Variants in ACYP2 observed in about 807,000 individuals in gnomAD.
The protein encoded by ACYP2 is acylphosphatase-2.
Under a neutral mutation model 11.2 loss-of-function variants are expected in ACYP2, and 12 were observed. That is an observed-to-expected ratio of 1.08 (90% CI 0.69 to 1.74). The LOEUF is 1.74. ACYP2 is among the 40% of genes most tolerant of loss of function. The pLI is 0.00. For missense variants in ACYP2, 134 were observed against 101.9 expected (o/e 1.31, Z -1.35); for synonymous variants, 43 against 32.2 (o/e 1.33, Z -1.13).
intron 2 of ACYP2, among the ~76,000 whole-genome samples, chr2:54,035,912 G>C (rs976422380): frequency 3.9e-5 from 6 of 152,114 alleles, no homozygotes; most frequent in Admixed American, 3.9e-4. Context: ...GAAGGAGACA[G>C]GCTGAGTCTT....
At chr2:54,240,363 T>C (rs11892194) in intron 6 of ACYP2, among the ~76,000 whole-genome samples, 2 of 152,180 alleles carry the variant, frequency 1.3e-5, no homozygotes, top group Admixed American at 6.5e-5. Context: ...GCATATGTGG[T>C]GAAGCCTTCT....
chr2:54,266,657 G>GTGC (rs1203336799), intron 6 of ACYP2, among the ~76,000 whole-genome samples: 1 of 126,792 alleles, frequency 7.9e-6, no homozygotes, highest in Non-Finnish European at 1.6e-5. Flanking sequence ...CCATGCTGGA[G>GTGC]TGCAGTGGCG....
chr2:54,167,580 G>A (rs1032715054), intron 6 of ACYP2, among the ~76,000 whole-genome samples: 1 of 151,968 alleles, frequency 6.6e-6, no homozygotes, highest in Non-Finnish European at 1.5e-5. Flanking sequence ...AGAGACATTT[G>A]GGGGAGGAAC....
chr2:54,284,307 G>A (rs1482716328), intron 6 of ACYP2, among the ~76,000 whole-genome samples: 6 of 152,172 alleles, frequency 3.9e-5, no homozygotes, highest in African/African-American at 1.4e-4. Context: ...CCTGGACAAA[G>A]CTTCACTCGT....
intron 6 of ACYP2, among the ~76,000 whole-genome samples, chr2:54,151,922 A>C (rs1682191533): frequency 6.6e-6 from 1 of 152,080 alleles, no homozygotes; most frequent in South Asian, 2.1e-4. Context: ...TTTTTAGAGC[A>C]GCTTTAGGTT....
At chr2:53,982,952 C>A (rs1671845650) in intron 2 of ACYP2, among the ~76,000 whole-genome samples, 1 of 150,784 alleles carries the variant, frequency 6.6e-6, no homozygotes, top group Non-Finnish European at 1.5e-5. Context: ...TGAAATATTC[C>A]TTTTCGTAAA....
At chr2:53,996,140 C>T (rs1344995856) in intron 2 of ACYP2, among the ~76,000 whole-genome samples, 2 of 150,442 alleles carry the variant, frequency 1.3e-5, no homozygotes, top group African/African-American at 4.9e-5. Context: ...GTCCCCACCA[C>T]CCAAAAAAAA....
chr2:54,002,158 T>G (rs1474893360), intron 2 of ACYP2, among the ~76,000 whole-genome samples: 1 of 152,218 alleles, frequency 6.6e-6, no homozygotes, highest in Non-Finnish European at 1.5e-5. Context: ...ATGTCCTGCC[T>G]ATTCATTCCT....
rs567977135 is a variant in ACYP2, at chr2:54,252,899, G to A, written c.405-51789G>A. Among the ~76,000 whole-genome samples the A allele has an allele frequency of 3.0e-3, 437 of 143,928 alleles. 3 individuals are homozygous for A. The highest frequency in any genetic ancestry group is 0.011 in the African/African-American group (409 of 38,754). 94.4% of individuals were successfully genotyped at this position (143,928 alleles called of 152,430 possible). ...AGCCTGGGCGACTGAGCGAGACTCC[G>A]TCTCAAAAAAAAAAAAAATATGCCA... On this transcript the variant is annotated intron_variant, in intron 6 of 6. Coordinates refer to ENST00000607452, the MANE Select transcript of ACYP2 (RefSeq NM_001320586.2).
At chr2:54,148,875 C>T (rs768130690) in intron 6 of ACYP2, among the ~76,000 whole-genome samples, 4 of 152,146 alleles carry the variant, frequency 2.6e-5, no homozygotes, top group Admixed American at 2.0e-4. Flanking sequence ...GTTGCAAAGT[C>T]AGACTCAGTG....
At chr2:54,183,453 G>A (rs2103873253) in intron 6 of ACYP2, among the ~76,000 whole-genome samples, 1 of 151,956 alleles carries the variant, frequency 6.6e-6, no homozygotes, top group East Asian at 1.9e-4. Flanking sequence ...GATCACTTGA[G>A]CCCAGAATGT....
chr2:54,272,423 G>A (rs568561021), intron 6 of ACYP2, among the ~76,000 whole-genome samples: 4 of 151,910 alleles, frequency 2.6e-5, no homozygotes, highest in African/African-American at 9.7e-5. Flanking sequence ...TCTGTGTCTT[G>A]TGCATATGCT....
chr2:54,201,636 C>CTCTTTTTCTTTCTTTCTTTCTTTCTT (rs1684809034), intron 6 of ACYP2, among the ~76,000 whole-genome samples: 1 of 93,662 alleles, frequency 1.1e-5, no homozygotes, highest in Non-Finnish European at 2.1e-5. Context: ...TTCTTTCTTT[C>CTCTTTTTCTTTCTTTCTTTCTTTCTT]TCTTTCTTTC....
rs114414784 is a variant in ACYP2 at position 54,132,413 on chromosome 2, C to T, written c.278-3040C>T. 2.1e-3 allele frequency among the ~76,000 whole-genome samples: 320 copies of T among 152,160 alleles called. 3 individuals carry two copies. The highest frequency in any genetic ancestry group is 7.2e-3 in the African/African-American group (299 of 41,510). On this transcript the variant is annotated intron_variant, in intron 4 of 6. Transcript: ENST00000607452. Reference sequence around the variant, plus strand: ...CTATCTCTTGAAATATTTTTATAGCCCTATAAAAACTCCATTTGTGATACT... The same window carrying T: ...CTATCTCTTGAAATATTTTTATAGCTCTATAAAAACTCCATTTGTGATACT...
At chr2:54,046,030 C>T (rs13412761) in intron 2 of ACYP2, among the ~76,000 whole-genome samples, 2,998 of 149,808 alleles carry the variant, frequency 0.02, 102 homozygotes, top group African/African-American at 0.07. Flanking sequence ...ATTAGTTGGG[C>T]GTGGTGGCAC....
intron 6 of ACYP2, among the ~76,000 whole-genome samples, chr2:54,265,210 T>C (rs1435813081): frequency 1.3e-5 from 2 of 152,078 alleles, no homozygotes; most frequent in African/African-American, 4.8e-5. Flanking sequence ...TTAATGGACT[T>C]ACAGTTCCAC....
rs796236288 is a variant in ACYP2, at chr2:54,082,242, CT to C, written c.277+24892del. Among the ~76,000 whole-genome samples, 13 of 147,916 alleles carry C rather than the reference CT, an allele frequency of 8.8e-5. 1 individual carries two copies. Among genetic ancestry groups the C allele is most frequent in the African/African-American group, 2.5e-4 (10 of 40,322 alleles). On this transcript the variant is annotated intron_variant, in intron 4 of 6. Transcript: ENST00000607452. The stretch of plus-strand genomic sequence containing the variant: ...ACATAATTTGTACACATATATAGCT[CT>C]TTTTTTTTTCTTTTTTTTTTGAGAT...
chr2:54,020,994 C>T (rs903906896), intron 2 of ACYP2, among the ~76,000 whole-genome samples: 1 of 152,130 alleles, frequency 6.6e-6, no homozygotes, highest in Non-Finnish European at 1.5e-5. Context: ...TAGAAGGGTA[C>T]AACTCACAGA....
chr2:54,014,411 C>A (rs1156246135), intron 2 of ACYP2, among the ~76,000 whole-genome samples: 2 of 152,094 alleles, frequency 1.3e-5, no homozygotes, highest in Non-Finnish European at 2.9e-5. Context: ...CCTCCACCTC[C>A]CCATTTCAGG....
Sources: allele counts gnomAD v4.1 joint callset (sites outside exome capture counted in the v4.1 genomes callset), GRCh38; gene constraint gnomAD v4.1.1; transcripts MANE v1.5; gene names NCBI Gene and HGNC (gene_info 2026-07-23, HGNC 2026-07-21).